DLG2: variants seen among roughly 807,000 people sequenced by gnomAD.
The protein encoded by DLG2 is disks large homolog 2.
DLG2 carries 45 observed loss-of-function variants against 132.5 expected under a neutral mutation model. The ratio of observed to expected loss-of-function variants is 0.34; its 90% CI spans 0.27 to 0.44. The LOEUF (loss-of-function observed/expected upper bound fraction) is 0.44, where lower values mean the gene tolerates loss of function less well. DLG2 is among the 20% of genes least tolerant of loss of function. DLG2 has a pLI of 1.00. For synonymous variants in DLG2, 424 were observed against 419.6 expected, an observed-to-expected ratio of 1.01 and a Z score of -0.13; for missense variants, 1,045 against 1,196.9, an observed-to-expected ratio of 0.87 and a Z score of 1.87.
chr11:85,037,900 T>C (rs975057283), intron 6 of DLG2, among the ~76,000 whole-genome samples: 1 of 152,122 alleles, frequency 6.6e-6, no homozygotes, highest in African/African-American at 2.4e-5. Flanking sequence ...ATGGGTCATG[T>C]CTGAGTATGT....
At chr11:84,004,135 A>G (rs2094473648) in intron 11 of DLG2, among the ~76,000 whole-genome samples, 1 of 152,112 alleles carries the variant, frequency 6.6e-6, no homozygotes, top group Non-Finnish European at 1.5e-5. Context: ...ACAACAAAAT[A>G]AGAAAACTAT....
chr11:84,861,576 T>C (rs1383414578), intron 6 of DLG2, among the ~76,000 whole-genome samples: 3 of 103,058 alleles, frequency 2.9e-5, no homozygotes, highest in African/African-American at 1.2e-4. Context: ...AAAGCCAAAA[T>C]TGACAAATAG....
At chr11:84,154,588 T>C (rs918443643) in intron 9 of DLG2, among the ~76,000 whole-genome samples, 19 of 152,182 alleles carry the variant, frequency 1.2e-4, no homozygotes, top group Non-Finnish European at 2.4e-4. Flanking sequence ...TGTGTTGGTG[T>C]GCTGCAACCA....
chr11:85,176,168 C>T (rs917861615), intron 4 of DLG2, among the ~76,000 whole-genome samples: 2 of 152,020 alleles, frequency 1.3e-5, no homozygotes, highest in Admixed American at 6.6e-5. Context: ...CAATCCTACG[C>T]AAAAAGAACA....
intron 6 of DLG2, among the ~76,000 whole-genome samples, chr11:84,868,435 C>G (rs2084967385): frequency 6.6e-6 from 1 of 152,052 alleles, no homozygotes; most frequent in Non-Finnish European, 1.5e-5. Flanking sequence ...AGTTCCAAAA[C>G]AAACAAACTG....
intron 15 of DLG2, among the ~76,000 whole-genome samples, chr11:83,887,836 C>T (rs972447097): frequency 6.8e-6 from 1 of 146,008 alleles, no homozygotes; most frequent in African/African-American, 2.7e-5. Context: ...TAAACGGAAC[C>T]AAAGACAAAA....
chr11:84,435,678 A>T (rs182374082), intron 7 of DLG2, among the ~76,000 whole-genome samples: 6 of 152,144 alleles, frequency 3.9e-5, no homozygotes, highest in African/African-American at 1.4e-4. Flanking sequence ...CTTGTTTTAA[A>T]CATTAGCCAT....
intron 8 of DLG2, among the ~76,000 whole-genome samples, chr11:84,225,465 G>A (rs377393746): frequency 1.3e-5 from 2 of 152,140 alleles, no homozygotes; most frequent in South Asian, 2.1e-4. Flanking sequence ...CTCGTGTCAC[G>A]ATTTTTAATT....
intron 3 of DLG2, among the ~76,000 whole-genome samples, chr11:85,596,330 G>A (rs1290476575): frequency 1.3e-5 from 2 of 152,302 alleles, no homozygotes; most frequent in East Asian, 1.9e-4. Flanking sequence ...AGAGGCTGCA[G>A]TGAGCCCAGA....
intron 6 of DLG2, among the ~76,000 whole-genome samples, chr11:84,944,792 G>C (rs1034789593): frequency 6.6e-6 from 1 of 152,010 alleles, no homozygotes; most frequent in Non-Finnish European, 1.5e-5. Context: ...TTTTGGTAGA[G>C]ATGGGGTTTC....
intron 9 of DLG2, among the ~76,000 whole-genome samples, chr11:84,099,729 C>G (rs1449876892): frequency 6.8e-6 from 1 of 147,942 alleles, no homozygotes; most frequent in Non-Finnish European, 1.5e-5. Context: ...AACTGATATC[C>G]TGTGGGTGTG....
intron 15 of DLG2, among the ~76,000 whole-genome samples, chr11:83,916,260 T>C: frequency 6.6e-6 from 1 of 152,140 alleles, no homozygotes. Context: ...CTTGGGTGCA[T>C]ACTTATGACT....
chr11:84,699,420 G>A (rs1222032920), intron 6 of DLG2, among the ~76,000 whole-genome samples: 1 of 151,506 alleles, frequency 6.6e-6, no homozygotes, highest in East Asian at 1.9e-4. Flanking sequence ...TTCTAAATAA[G>A]CCCTCAGACT....
chr11:84,639,611 C>G (rs1283494098), intron 6 of DLG2, among the ~76,000 whole-genome samples: 1 of 152,116 alleles, frequency 6.6e-6, no homozygotes, highest in East Asian at 1.9e-4. Context: ...CAATGCTCCT[C>G]AACTTCTCAA....
At chr11:84,457,831 C>T (rs997717369) in intron 7 of DLG2, among the ~76,000 whole-genome samples, 1 of 150,788 alleles carries the variant, frequency 6.6e-6, no homozygotes, top group Non-Finnish European at 1.5e-5. Flanking sequence ...CTCATAAATA[C>T]CAATTTTTAC....
chr11:85,580,976 A>G (rs1254462388), intron 3 of DLG2, among the ~76,000 whole-genome samples: 1 of 152,098 alleles, frequency 6.6e-6, no homozygotes, highest in African/African-American at 2.4e-5. Flanking sequence ...AACAGACTGT[A>G]TCATCTAGCT....
chr11:84,762,383 T>C (rs2067754417), intron 6 of DLG2, among the ~76,000 whole-genome samples: 1 of 152,190 alleles, frequency 6.6e-6, no homozygotes, highest in South Asian at 2.1e-4. Context: ...AATACAATGC[T>C]CGGAATCTGT....
chr11:84,934,285 T>A (rs2048426256), intron 6 of DLG2, among the ~76,000 whole-genome samples: 1 of 152,078 alleles, frequency 6.6e-6, no homozygotes, highest in South Asian at 2.1e-4. Context: ...AGTATTTTGT[T>A]GAAAATATTT....
intron 6 of DLG2, among the ~76,000 whole-genome samples, chr11:84,975,039 G>T (rs1231636514): frequency 3.9e-5 from 6 of 152,118 alleles, no homozygotes; most frequent in African/African-American, 1.4e-4. Context: ...AGGTGTCATA[G>T]TAAGTAGCCA....
Sources: gnomAD v4.1 joint callset for allele counts (sites outside exome capture counted in the v4.1 genomes callset) on GRCh38, gnomAD v4.1.1 for gene constraint, MANE v1.5 for transcripts, NCBI Gene and HGNC (gene_info 2026-07-23, HGNC 2026-07-21) for gene names.